CACNA1H: variants seen among roughly 807,000 people sequenced by gnomAD.
CACNA1H encodes calcium voltage-gated channel subunit alpha1 H, also known as voltage-dependent T-type calcium channel subunit alpha-1H.
In CACNA1H, 149 loss-of-function variants were observed where a neutral mutation model predicts 192.5. The observed-to-expected ratio is 0.77, with a 90% confidence interval of 0.68 to 0.89. The LOEUF (loss-of-function observed/expected upper bound fraction) is 0.89, where lower values mean the gene tolerates loss of function less well. CACNA1H is among the 40% of genes least tolerant of loss of function. The pLI is 0.00. For synonymous variants in CACNA1H, 2,202 were observed against 1,475.2 expected (o/e 1.49, Z -11.29); for missense variants, 4,257 against 3,423.5 (o/e 1.24, Z -6.08).
At position 1,210,134 on chromosome 16, in the gene CACNA1H, C is replaced by G; in HGVS notation, c.3844C>G (p.Arg1282Gly). ...WALYLFSPQN[R>G]FRVSCQKVIT... ...CCTCTACCTCTTCTCCCCACAGAAC[C>G]GGTGAGGCGGCCGGGTCAGGAGGCT... is the stretch of plus-strand genomic sequence containing the variant. Residue 1282 changes from arginine to glycine, a missense_variant and splice_region_variant, in exon 18 of 35, where the codon CGG becomes GGG. By Grantham distance (125) the Arg-to-Gly change is moderately radical. Coordinates refer to ENST00000348261, the MANE Select transcript of CACNA1H (RefSeq NM_021098.3). The G allele has an allele frequency of 6.4e-7, 1 of 1,554,332 alleles. No homozygotes were observed. The highest frequency in any genetic ancestry group is 8.7e-7 in the Non-Finnish European group (1 of 1,149,274).
chr16:1,183,211 C>T (rs893083317), intron 2 of CACNA1H, among the ~76,000 whole-genome samples: 1 of 152,132 alleles, frequency 6.6e-6, no homozygotes, highest in African/African-American at 2.4e-5. Context: ...CTGGGGCTGC[C>T]CTCGGGATCT....
At chr16:1,183,949 T>C (rs540030279) in intron 2 of CACNA1H, among the ~76,000 whole-genome samples, 2 of 152,362 alleles carry the variant, frequency 1.3e-5, no homozygotes, top group East Asian at 1.9e-4. Flanking sequence ...GCCGTGTCCA[T>C]GCCGCCTGGG....
chr16:1,195,399 T>C (rs1221505231), intron 3 of CACNA1H, 33 bp from the exon 4 acceptor site: 1 of 1,549,898 alleles, frequency 6.5e-7, no homozygotes, highest in South Asian at 1.2e-5. Flanking sequence ...AGCTGAGCTG[T>C]TCCACGGGCC....
intron 2 of CACNA1H, among the ~76,000 whole-genome samples, chr16:1,154,829 C>T (rs745376403): frequency 5.3e-5 from 8 of 152,174 alleles, no homozygotes; most frequent in Non-Finnish European, 1.2e-4. Flanking sequence ...GGGATGTACA[C>T]GGAGGTCCAG....
chr16:1,200,108 C>T (rs572456024), intron 6 of CACNA1H, 148 bp from the exon 7 acceptor site: 587 of 657,820 alleles, frequency 8.9e-4, no homozygotes, highest in Non-Finnish European at 1.2e-3. Context: ...TGACCCTAAC[C>T]GTGCCTCCCT....
intron 10 of CACNA1H, 23 bp downstream of exon 10, chr16:1,204,481 G>A (rs377340990): frequency 6.6e-6 from 10 of 1,510,270 alleles, no homozygotes; most frequent in Non-Finnish European, 8.9e-6. Context: ...CTGGCCACGG[G>A]GTGGGCTCCC....
intron 2 of CACNA1H, among the ~76,000 whole-genome samples, chr16:1,183,617 G>T (rs1965691880): frequency 6.6e-6 from 1 of 151,964 alleles, no homozygotes; most frequent in Admixed American, 6.5e-5. Context: ...GTGGCATTGG[G>T]GTCGGGGGTC....
At chr16:1,212,282 C>G in intron 25 of CACNA1H, 144 bp downstream of exon 25, 1 of 1,302,918 alleles carries the variant, frequency 7.7e-7, no homozygotes, top group Admixed American at 2.7e-5. Flanking sequence ...GGGGCTGGGC[C>G]TTGGAGGGGC....
intron 17 of CACNA1H, 50 bp from the exon 18 acceptor site, chr16:1,209,985 G>GT (rs1969229918): frequency 7.1e-7 from 1 of 1,403,904 alleles, no homozygotes; most frequent in Non-Finnish European, 9.8e-7. Flanking sequence ...CCTGATGGGG[G>GT]GCCGGGCAGG....
rs777616508 is a variant in CACNA1H, at chr16:1,210,586, C to T, written c.3973C>T (p.Arg1325Trp). The change falls in exon 20 of 35, where the codon CGG becomes TGG. Residue 1325 changes from arginine to tryptophan, a missense_variant. Arg to Trp is a moderately radical substitution (Grantham distance 101). Coordinates refer to ENST00000348261, the MANE Select transcript of CACNA1H (RefSeq NM_021098.3). ...CCCCACCGTCCTCTCCCGGCAGGAG[C>T]GGGTCTTCCTCAGCGTCTCCAATTA... Reference protein sequence around the residue: ...RPDIDPGSTERVFLSVSNYIF... With the variant: ...RPDIDPGSTEWVFLSVSNYIF... 3.1e-6 allele frequency: 5 copies of T among 1,609,028 alleles called. No homozygotes were observed. The highest frequency in any genetic ancestry group is 3.4e-6 in the Non-Finnish European group (4 of 1,179,784).
At chr16:1,197,882 G>A (rs998203810) in intron 5 of CACNA1H, among the ~76,000 whole-genome samples, 3 of 152,200 alleles carry the variant, frequency 2.0e-5, no homozygotes, top group Admixed American at 2.0e-4. Context: ...GATGGAGCGA[G>A]GGGCGCGTGG....
intron 2 of CACNA1H, among the ~76,000 whole-genome samples, chr16:1,156,668 G>A (rs1962444715): frequency 6.6e-6 from 1 of 152,160 alleles, no homozygotes; most frequent in Admixed American, 6.5e-5. Context: ...GAGAGGGAGG[G>A]ATAATCGGAT....
chr16:1,187,091 C>T (rs1254734950), intron 2 of CACNA1H, among the ~76,000 whole-genome samples: 2 of 152,272 alleles, frequency 1.3e-5, no homozygotes, highest in African/African-American at 4.8e-5. Flanking sequence ...CCCCTCCGCA[C>T]TGCGGGCTGA....
At chr16:1,205,447 C>T (rs1010986394) in intron 11 of CACNA1H, among the ~76,000 whole-genome samples, 182 bp downstream of exon 11, 2 of 152,194 alleles carry the variant, frequency 1.3e-5, no homozygotes, top group Non-Finnish European at 2.9e-5. Flanking sequence ...TGGGCAGAGT[C>T]CCCTCCCCAG....
Position 1,210,115 on chromosome 16 carries a change from C to T in CACNA1H, c.3825C>T (p.Tyr1275=), listed in dbSNP as rs1475490347. 13 of 1,558,724 alleles carry T rather than the reference C, an allele frequency of 8.3e-6. No individual in the cohort carries two copies. The highest frequency in any genetic ancestry group is 1.7e-4 in the Middle Eastern group (1 of 6,030). The part of the protein sequence containing the change: ...WCRSREAWAL[Y]LFSPQNRFRV... ...GGAGCCGCGAGGCCTGGGCCCTCTA[C>T]CTCTTCTCCCCACAGAACCGGTGAG... The change falls in exon 18 of 35, where the codon TAC becomes TAT. Residue 1275 remains tyrosine, a synonymous_variant. Transcript: ENST00000348261.
intron 2 of CACNA1H, among the ~76,000 whole-genome samples, chr16:1,178,770 C>T (rs1369870914): frequency 6.6e-6 from 1 of 151,958 alleles, no homozygotes; most frequent in African/African-American, 2.4e-5. Flanking sequence ...ATGCCCCTGC[C>T]CCTGTCTCCT....
rs546299146 is a variant in CACNA1H at position 1,208,350 on chromosome 16, A to T, written c.3363+129A>T. The stretch of plus-strand genomic sequence containing the variant: ...CCTTGAAGTCCCAGCCTGTGCAGAG[A>T]CTGAGAAAGAGTGTTCTGGTTTCCG... On this transcript the variant is annotated intron_variant, in intron 16 of 34. Transcript: ENST00000348261. The T allele has an allele frequency of 4.7e-4, 328 of 703,404 alleles. 1 individual carries two copies. Among genetic ancestry groups the T allele is most frequent in the Middle Eastern group, 3.4e-3 (9 of 2,670 alleles). The allele number at this position is 703,404 out of a possible 1,614,324, so 43.6% of individuals were successfully genotyped here.
chr16:1,196,619 A>G (rs376950703), intron 5 of CACNA1H, among the ~76,000 whole-genome samples: 9 of 152,154 alleles, frequency 5.9e-5, no homozygotes, highest in African/African-American at 2.2e-4. Context: ...TGAGCAGCTG[A>G]TTTTCTAGAA....
rs1963955618 is a variant in CACNA1H, at chr16:1,167,863, GC to G, written c.299+13830del. ...CGTGGCCTGGCCGTCCGTCCGCGGG[GC>G]CCGGGCTGCCCATGGCAGCAGGTGC... On this transcript the variant is annotated intron_variant, in intron 2 of 34. Coordinates refer to ENST00000348261, the MANE Select transcript of CACNA1H (RefSeq NM_021098.3). The surrounding 1 kb of genome is among the most constrained non-coding windows in gnomAD (Gnocchi z 4.2). Among the ~76,000 whole-genome samples, 1 of 152,180 alleles carries G rather than the reference GC, an allele frequency of 6.6e-6. No homozygotes were observed. The highest frequency in any genetic ancestry group is 1.5e-5 in the Non-Finnish European group (1 of 68,028).
Sources: gnomAD v4.1 joint callset for allele counts (sites outside exome capture counted in the v4.1 genomes callset) on GRCh38, gnomAD v4.1.1 for gene constraint, Gnocchi (gnomAD v3.1) non-coding constraint, MANE v1.5 for transcripts, NCBI Gene and HGNC (gene_info 2026-07-23, HGNC 2026-07-21) for gene names.